MYH14: variants seen among roughly 807,000 people sequenced by gnomAD.
MYH14 encodes myosin-14.
MYH14 carries 123 observed loss-of-function variants against 255.5 expected under a neutral mutation model. The ratio of observed to expected loss-of-function variants is 0.48; its 90% CI spans 0.42 to 0.56. MYH14 has a LOEUF of 0.56. MYH14 is among the 20% of genes least tolerant of loss of function. MYH14 has a pLI of 0.00. For synonymous variants in MYH14, 1,095 were observed against 1,161.2 expected, an observed-to-expected ratio of 0.94 and a Z score of 1.16; for missense variants, 2,423 against 2,802.3, an observed-to-expected ratio of 0.86 and a Z score of 3.06.
intron 39 of MYH14, among the ~76,000 whole-genome samples, chr19:50,295,297 C>A (rs571359381): frequency 6.6e-6 from 1 of 151,784 alleles, no homozygotes; most frequent in African/African-American, 2.4e-5. Flanking sequence ...TGCACTCCAG[C>A]CTGGGCGACA....
At chr19:50,302,592 AAG>A (rs1440632904) in intron 40 of MYH14, among the ~76,000 whole-genome samples, 2 of 149,550 alleles carry the variant, frequency 1.3e-5, no homozygotes, top group Non-Finnish European at 3.0e-5. Context: ...AAAAAAAAAA[AAG>A]AAAGAAAAAA....
At chr19:50,268,417 A>G in intron 24 of MYH14, 50 bp downstream of exon 24, 2 of 1,518,858 alleles carry the variant, frequency 1.3e-6, no homozygotes, top group Non-Finnish European at 1.8e-6. Flanking sequence ...CCCTCTGTCT[A>G]CACCATCCAC....
At chr19:50,269,952 T>A (rs1301573259) in intron 24 of MYH14, among the ~76,000 whole-genome samples, 1 of 152,194 alleles carries the variant, frequency 6.6e-6, no homozygotes, top group African/African-American at 2.4e-5. Context: ...CTTGGCTAGG[T>A]GCAGTGGCTC....
chr19:50,290,776 C>T lies in MYH14; in HGVS notation c.4966-111C>T, dbSNP rs550591466. ...AAAGAGAGTCAGGGAGTGAGAGGAG[C>T]GGGGCTTGCAGCCTGGGCAGGAGCT... On this transcript the variant is annotated intron_variant, in intron 35 of 42. Coordinates refer to ENST00000642316, the MANE Select transcript of MYH14 (RefSeq NM_001145809.2). The T allele has an allele frequency of 1.7e-4, 186 of 1,123,524 alleles. No homozygotes were observed. The Middle Eastern group carries it at 2.6e-3, about 16-fold the overall frequency. The allele number at this position is 1,123,524 out of a possible 1,614,324, so 69.6% of individuals were successfully genotyped here. A position where few individuals can be genotyped will look rare whatever the true frequency, so the allele number is the denominator to read the frequency against.
At chr19:50,204,917 T>A (rs542316223) in intron 1 of MYH14, among the ~76,000 whole-genome samples, 1 of 150,880 alleles carries the variant, frequency 6.6e-6, no homozygotes, top group African/African-American at 2.4e-5. Context: ...TTTTTTTAAA[T>A]CATTTTATGA....
intron 24 of MYH14, among the ~76,000 whole-genome samples, chr19:50,270,691 A>G (rs1417849588): frequency 9.6e-6 from 1 of 103,986 alleles, no homozygotes; most frequent in Non-Finnish European, 1.9e-5. Context: ...AAAATTATTT[A>G]TTATTTATTT....
At chr19:50,283,449 A>AT (rs1213139226) in intron 33 of MYH14, among the ~76,000 whole-genome samples, 4 of 152,200 alleles carry the variant, frequency 2.6e-5, no homozygotes, top group Non-Finnish European at 4.4e-5. Context: ...ATCCATCCAT[A>AT]TTTTTGCATA....
rs371021029 is a variant in MYH14, at chr19:50,250,607, G to A, written c.1749G>A (p.Glu583=). 16 of 1,613,914 alleles carry A rather than the reference G, an allele frequency of 9.9e-6. No individual in the cohort carries two copies. Among genetic ancestry groups the A allele is most frequent in the Non-Finnish European group, 1.4e-5 (16 of 1,179,922 alleles). ...DKSFVEKVAQ[E]QGGHPKFQRP... is the part of the protein sequence containing the mutation. The stretch of plus-strand genomic sequence containing the variant: ...CGTTTGTGGAGAAGGTAGCCCAGGA[G>A]CAGGGCGGCCACCCCAAGTTCCAGC... Residue 583 remains glutamate (E), a synonymous_variant, in exon 15 of 43, where the codon GAG becomes GAA. Coordinates refer to ENST00000642316, the MANE Select transcript of MYH14 (RefSeq NM_001145809.2). The surrounding 1 kb of genome is among the most constrained non-coding windows in gnomAD (Gnocchi z 5.4).
chr19:50,272,199 A>C (rs1342487587), intron 26 of MYH14, among the ~76,000 whole-genome samples: 1 of 151,928 alleles, frequency 6.6e-6, no homozygotes, highest in African/African-American at 2.4e-5. Context: ...TTCCCATCTG[A>C]CTGTCCCACT....
At chr19:50,235,847 C>A (rs763604435) in intron 10 of MYH14, among the ~76,000 whole-genome samples, 1 of 152,062 alleles carries the variant, frequency 6.6e-6, no homozygotes, top group Non-Finnish European at 1.5e-5. Context: ...ATGCTCTGGA[C>A]CCCCTCTCCA....
At chr19:50,229,006 C>T (rs1305847808) in intron 8 of MYH14, among the ~76,000 whole-genome samples, 1 of 152,170 alleles carries the variant, frequency 6.6e-6, no homozygotes, top group Non-Finnish European at 1.5e-5. Context: ...ACCGCCACCT[C>T]GAGAGTCCCC....
rs754568654 is a variant in MYH14, at chr19:50,224,184, A to G, written c.717+7A>G. 6.2e-7 allele frequency: 1 copy of G among 1,613,854 alleles called. No homozygotes were observed. Among genetic ancestry groups the G allele is most frequent in the Non-Finnish European group, 8.5e-7 (1 of 1,179,872 alleles). ...CGTCAGCACCGTGTCTTATGTGAGT[A>G]GCAGGGGATCACCTCGAGTCTTGCT... On this transcript the variant is annotated splice_region_variant and intron_variant, in intron 6 of 42. Coordinates refer to ENST00000642316, the MANE Select transcript of MYH14 (RefSeq NM_001145809.2).
intron 3 of MYH14, among the ~76,000 whole-genome samples, chr19:50,218,508 G>T (rs934875072): frequency 5.9e-5 from 9 of 151,966 alleles, no homozygotes; most frequent in Admixed American, 5.9e-4. Context: ...TGAGGCAGGA[G>T]AATGGCGTGA....
chr19:50,280,502 C>T lies in MYH14; in HGVS notation c.4290+119C>T, dbSNP rs1601014571. The T allele has an allele frequency of 9.1e-7, 1 of 1,099,050 alleles. No homozygotes were observed. 68.1% of individuals were successfully genotyped at this position (1,099,050 alleles called of 1,614,324 possible). ...TTCTCATAGGCCAGACCCATGGGTG[C>T]CTTTCTCATCTCTGACTCCCCCTTA... is the stretch of plus-strand genomic sequence containing the variant. On this transcript the variant is annotated intron_variant, in intron 32 of 42. Transcript: ENST00000642316. This position sits in a 1 kb window ranked among gnomAD's most constrained non-coding sequence, Gnocchi z 4.8.
intron 26 of MYH14, 28 bp downstream of exon 26, chr19:50,272,000 C>T: frequency 1.2e-6 from 2 of 1,600,622 alleles, no homozygotes; most frequent in African/African-American, 1.3e-5. Context: ...CAGTAGGGGT[C>T]TGTGTGTGCT....
At chr19:50,224,936 C>A (rs939526244) in intron 6 of MYH14, 1 of 427,874 alleles carries the variant, frequency 2.3e-6, no homozygotes, top group Non-Finnish European at 4.7e-6. Flanking sequence ...GAGACCCCAT[C>A]TCTACTAAAA....
At chr19:50,263,809 C>T (rs2034977783) in intron 22 of MYH14, among the ~76,000 whole-genome samples, 1 of 152,028 alleles carries the variant, frequency 6.6e-6, no homozygotes, top group African/African-American at 2.4e-5. Context: ...GTAATCCCAG[C>T]AGTGTGAGAG....
chr19:50,294,372 A>G (rs1670728), intron 39 of MYH14, among the ~76,000 whole-genome samples: 5,278 of 151,514 alleles, frequency 0.035, 258 homozygotes, highest in African/African-American at 0.1. Flanking sequence ...CCAAGAAGAC[A>G]ACAGAGTGAT....
intron 9 of MYH14, among the ~76,000 whole-genome samples, 159 bp from the exon 10 acceptor site, chr19:50,231,771 C>G (rs943167841): frequency 7.9e-5 from 12 of 151,520 alleles, no homozygotes; most frequent in African/African-American, 2.9e-4. Context: ...GCTAAACGCC[C>G]ACTCCACCCC....
Sources: gnomAD v4.1 joint callset for allele counts (sites outside exome capture counted in the v4.1 genomes callset) on GRCh38, gnomAD v4.1.1 for gene constraint, Gnocchi (gnomAD v3.1) non-coding constraint, MANE v1.5 for transcripts, NCBI Gene and HGNC (gene_info 2026-07-23, HGNC 2026-07-21) for gene names.